GRID2: variants seen among roughly 807,000 people sequenced by gnomAD.
GRID2 encodes glutamate ionotropic receptor delta type subunit 2, also known as glutamate receptor ionotropic, delta-2.
GRID2 carries 33 observed loss-of-function variants against 114.8 expected under a neutral mutation model. The ratio of observed to expected loss-of-function variants is 0.29; its 90% CI spans 0.22 to 0.38. The LOEUF (loss-of-function observed/expected upper bound fraction) is 0.38, where lower values mean the gene tolerates loss of function less well. Ranked by LOEUF, GRID2 falls within the 10% of genes least tolerant of loss-of-function variation. The pLI, the probability that GRID2 is intolerant of heterozygous loss-of-function variation, is 1.00. For synonymous variants in GRID2, 505 were observed against 449.9 expected, an observed-to-expected ratio of 1.12 and a Z score of -1.55; for missense variants, 1,184 against 1,257.7, an observed-to-expected ratio of 0.94 and a Z score of 0.89.
chr4:92,762,377 T>A (rs556125911), intron 2 of GRID2, among the ~76,000 whole-genome samples: 1 of 152,052 alleles, frequency 6.6e-6, no homozygotes, highest in Non-Finnish European at 1.5e-5. Context: ...TAGAGTCAAA[T>A]GAATACTCCT....
chr4:92,955,582 T>C (rs1365941853), intron 2 of GRID2, among the ~76,000 whole-genome samples: 1 of 152,190 alleles, frequency 6.6e-6, no homozygotes, highest in Admixed American at 6.5e-5. Context: ...TTCTCTCTGA[T>C]GGTAGTTTCT....
chr4:93,126,513 A>G (rs1432575477), intron 4 of GRID2, among the ~76,000 whole-genome samples: 1 of 151,290 alleles, frequency 6.6e-6, no homozygotes, highest in Non-Finnish European at 1.5e-5. Flanking sequence ...GTAGATGTCA[A>G]TAATACCTAC....
chr4:93,068,373 T>A (rs1302802616), intron 2 of GRID2, among the ~76,000 whole-genome samples: 1 of 151,894 alleles, frequency 6.6e-6, no homozygotes, highest in Non-Finnish European at 1.5e-5. Flanking sequence ...TTTGTGGGGG[T>A]GAAAGGAGAT....
chr4:93,750,125 A>G (rs1732187934), intron 14 of GRID2, among the ~76,000 whole-genome samples: 1 of 152,230 alleles, frequency 6.6e-6, no homozygotes, highest in African/African-American at 2.4e-5. Context: ...AGTTGGTGCT[A>G]CAGAACACAC....
At chr4:93,155,605 C>A (rs1440350810) in intron 4 of GRID2, among the ~76,000 whole-genome samples, 1 of 151,854 alleles carries the variant, frequency 6.6e-6, no homozygotes. Context: ...ATCTAATAGT[C>A]CAGTAAGATG....
intron 4 of GRID2, among the ~76,000 whole-genome samples, chr4:93,136,955 G>A (rs190385009): frequency 2.0e-5 from 3 of 152,252 alleles, no homozygotes; most frequent in Non-Finnish European, 4.4e-5. Flanking sequence ...CAAGAAAAAT[G>A]TGGCCTCTTC....
intron 2 of GRID2, among the ~76,000 whole-genome samples, chr4:92,874,476 G>A (rs1034824575): frequency 6.6e-6 from 1 of 152,008 alleles, no homozygotes; most frequent in Non-Finnish European, 1.5e-5. Flanking sequence ...AATTAATAGT[G>A]ATAAGCAGTT....
intron 10 of GRID2, among the ~76,000 whole-genome samples, chr4:93,447,803 G>A (rs1365678652): frequency 2.6e-5 from 4 of 151,788 alleles, no homozygotes; most frequent in Non-Finnish European, 5.9e-5. Context: ...AAGAATGGCT[G>A]AAAATGAAAT....
intron 2 of GRID2, among the ~76,000 whole-genome samples, chr4:93,001,983 T>A (rs1377730801): frequency 1.3e-5 from 2 of 150,818 alleles, no homozygotes; most frequent in African/African-American, 2.4e-5. Context: ...AAACAAAAAA[T>A]TTTACACACT....
intron 1 of GRID2, among the ~76,000 whole-genome samples, chr4:92,569,436 C>G (rs529048763): frequency 3.3e-5 from 5 of 151,956 alleles, no homozygotes; most frequent in South Asian, 2.1e-4. Context: ...TAAACATTCA[C>G]GTGCATGTAT....
At chr4:93,695,494 A>G (rs1213025963) in intron 14 of GRID2, among the ~76,000 whole-genome samples, 1 of 152,228 alleles carries the variant, frequency 6.6e-6, no homozygotes, top group African/African-American at 2.4e-5. Flanking sequence ...TAAACACCAG[A>G]GGAATCATCA....
chr4:92,834,881 A>G (rs1447519989), intron 2 of GRID2, among the ~76,000 whole-genome samples: 5 of 152,060 alleles, frequency 3.3e-5, no homozygotes, highest in Non-Finnish European at 7.4e-5. Context: ...TGGGAATGAG[A>G]TTTAATAAAA....
rs115581084 is a variant in GRID2 at position 93,529,804 on chromosome 4, G to A, written c.2193+14393G>A. On this transcript the variant is annotated intron_variant, in intron 13 of 15. Transcript: ENST00000282020. ...TATCAAGTGGCAAATGTTGCTTCCC[G>A]CCTTGTGACATCGTTTACATTTTAG... 4.6e-3 allele frequency among the ~76,000 whole-genome samples: 693 copies of A among 152,156 alleles called. 4 individuals carry two copies. Among genetic ancestry groups the A allele is most frequent in the African/African-American group, 0.016 (656 of 41,524 alleles).
chr4:93,048,377 G>A (rs1428813608), intron 2 of GRID2, among the ~76,000 whole-genome samples: 1 of 151,852 alleles, frequency 6.6e-6, no homozygotes, highest in African/African-American at 2.4e-5. Context: ...CCGTTTTTCA[G>A]TGAGGGTCCT....
chr4:92,694,199 G>T (rs1455189341), intron 2 of GRID2, among the ~76,000 whole-genome samples: 1 of 152,208 alleles, frequency 6.6e-6, no homozygotes, highest in Non-Finnish European at 1.5e-5. Flanking sequence ...GGAGCAGGAA[G>T]CACCTGGTTG....
At chr4:92,876,330 G>A (rs998068354) in intron 2 of GRID2, among the ~76,000 whole-genome samples, 18 of 149,380 alleles carry the variant, frequency 1.2e-4, no homozygotes, top group East Asian at 7.9e-4. Context: ...ATGGAGTCTC[G>A]CTCTGTCGCC....
At chr4:92,654,088 T>C (rs766718588) in intron 2 of GRID2, among the ~76,000 whole-genome samples, 10 of 152,106 alleles carry the variant, frequency 6.6e-5, no homozygotes, top group Non-Finnish European at 1.5e-4. Flanking sequence ...CTGTATGTTT[T>C]AGTGATCTTG....
chr4:93,402,872 C>T (rs779933558), intron 9 of GRID2, among the ~76,000 whole-genome samples: 19 of 152,064 alleles, frequency 1.2e-4, no homozygotes, highest in Non-Finnish European at 1.9e-4. Flanking sequence ...AGTTCTGAAA[C>T]GTCATTGTCC....
At chr4:93,225,093 AAC>A (rs1319695730) in intron 7 of GRID2, among the ~76,000 whole-genome samples, 2 of 152,206 alleles carry the variant, frequency 1.3e-5, no homozygotes, top group East Asian at 1.9e-4. Context: ...CTTTTAAAAA[AAC>A]ACACGCCATC....
Sources: gnomAD v4.1 joint callset for allele counts (sites outside exome capture counted in the v4.1 genomes callset) on GRCh38, gnomAD v4.1.1 for gene constraint, MANE v1.5 for transcripts, NCBI Gene and HGNC (gene_info 2026-07-23, HGNC 2026-07-21) for gene names.